Variants in ERI3 observed in about 807,000 individuals in gnomAD.
ERI3 encodes ERI1 exoribonuclease family member 3.
In ERI3, 18 loss-of-function variants were observed where a neutral mutation model predicts 44.4. The ratio of observed to expected loss-of-function variants is 0.41; its 90% confidence interval spans 0.28 to 0.60. The LOEUF is 0.60. ERI3 is among the 20% of genes least tolerant of loss of function. The pLI, the probability that ERI3 is intolerant of heterozygous loss-of-function variation, is 0.36. For synonymous variants in ERI3, 183 were observed against 164.8 expected (o/e 1.11, Z -0.84); for missense variants, 294 against 435.5 (o/e 0.68, Z 2.89).
rs1645096377 is a variant in ERI3, at chr1:44,271,996, A to G, written c.831+12839T>C. 1.3e-5 allele frequency among the ~76,000 whole-genome samples: 2 copies of G among 152,080 alleles called. 1 individual carries two copies. The highest frequency in any genetic ancestry group is 4.1e-4 in the South Asian group (2 of 4,824). ...CTCTTTTTCCTAGCTCCTGCCCACAATGTCCTGTATGTCTACCTGGATCTC... is the reference window on the plus strand; with the variant it reads ...CTCTTTTTCCTAGCTCCTGCCCACAGTGTCCTGTATGTCTACCTGGATCTC... On this transcript the variant is annotated intron_variant, in intron 7 of 8. Transcript: ENST00000372257.
chr1:44,352,218 C>T (rs1646905646), intron 2 of ERI3, among the ~76,000 whole-genome samples: 1 of 152,270 alleles, frequency 6.6e-6, no homozygotes, highest in East Asian at 1.9e-4. Flanking sequence ...TTGGAACTAA[C>T]CACCCACCAA....
chr1:44,321,119 C>T (rs1557849820), intron 3 of ERI3, among the ~76,000 whole-genome samples: 1 of 152,126 alleles, frequency 6.6e-6, no homozygotes, highest in Admixed American at 6.5e-5. Context: ...CCTTGATGTC[C>T]CAGGAAAGCC....
intron 8 of ERI3, among the ~76,000 whole-genome samples, chr1:44,222,853 T>G (rs570878490): frequency 2.0e-5 from 3 of 152,096 alleles, no homozygotes; most frequent in Admixed American, 6.5e-5. Context: ...TAATCAAGTG[T>G]GGGGGGGTAT....
chr1:44,330,550 G>T (rs1248415140), intron 3 of ERI3, among the ~76,000 whole-genome samples: 1 of 152,190 alleles, frequency 6.6e-6, no homozygotes, highest in African/African-American at 2.4e-5. Context: ...ACCTAACAGG[G>T]TTTTGTCCGT....
intron 2 of ERI3, among the ~76,000 whole-genome samples, chr1:44,349,569 C>G (rs60601316): frequency 6.6e-6 from 1 of 152,130 alleles, no homozygotes; most frequent in African/African-American, 2.4e-5. Context: ...CCACCACAAG[C>G]AGCTATCTTT....
chr1:44,245,203 C>A (rs1459699596), intron 8 of ERI3, among the ~76,000 whole-genome samples: 1 of 152,086 alleles, frequency 6.6e-6, no homozygotes, highest in Non-Finnish European at 1.5e-5. Context: ...CTCTTTGGTG[C>A]GAGGGCCATT....
At chr1:44,295,097 C>A (rs965392255) in intron 6 of ERI3, among the ~76,000 whole-genome samples, 3 of 152,102 alleles carry the variant, frequency 2.0e-5, no homozygotes, top group Non-Finnish European at 4.4e-5. Context: ...GACTTCTGGG[C>A]GGGCATTAGA....
intron 8 of ERI3, among the ~76,000 whole-genome samples, chr1:44,245,341 G>A (rs1347864559): frequency 6.6e-6 from 1 of 152,142 alleles, no homozygotes; most frequent in African/African-American, 2.4e-5. Flanking sequence ...TGGCAGGGCA[G>A]CCCTCTTCAT....
Position 44,352,860 on chromosome 1 carries a change from T to C in ERI3, c.201A>G (p.Glu67=). 1 of 1,614,064 alleles carries C rather than the reference T, an allele frequency of 6.2e-7. No homozygotes were observed. The highest frequency in any genetic ancestry group is 8.5e-7 in the Non-Finnish European group (1 of 1,179,996). The change falls in exon 2 of 9, where the codon GAA becomes GAG. Residue 67 remains glutamate (E), a synonymous_variant. Transcript: ENST00000372257. The part of the protein sequence containing the change: ...ASPAAGLGIF[E]VRRVLDASGC... ...CAACAGGATTCTCACCTCTCCTTAC[T>C]TCGAAGATGCCAAGACCGGCAGCTG... is the stretch of plus-strand genomic sequence containing the variant.
intron 6 of ERI3, among the ~76,000 whole-genome samples, chr1:44,295,696 C>A (rs1645595792): frequency 6.6e-6 from 1 of 152,226 alleles, no homozygotes; most frequent in Non-Finnish European, 1.5e-5. Flanking sequence ...GAATGGGACA[C>A]ATCTGCTACC....
At chr1:44,284,230 C>T (rs768191490) in intron 7 of ERI3, among the ~76,000 whole-genome samples, 2 of 152,108 alleles carry the variant, frequency 1.3e-5, no homozygotes, top group African/African-American at 4.8e-5. Flanking sequence ...TGGTCCTTGC[C>T]GGTCCATAGC....
rs777257581 is a variant in ERI3 at position 44,221,518 on chromosome 1, A to C, written c.*40T>G. 30 of 1,565,620 alleles carry C rather than the reference A, an allele frequency of 1.9e-5. No homozygotes were observed. Among genetic ancestry groups the C allele is most frequent in the Non-Finnish European group, 2.6e-5 (30 of 1,136,356 alleles). On this transcript the variant is annotated 3_prime_UTR_variant, in exon 9 of 9. Coordinates refer to ENST00000372257, the MANE Select transcript of ERI3 (RefSeq NM_024066.3). This position sits in a 1 kb window ranked among gnomAD's most constrained non-coding sequence, Gnocchi z 5.9. ...GGAGAGGAGGATTCTGGGCTGGGCC[A>C]AACAGCTACCCTGTCCTGCCCCATC...
At chr1:44,310,418 C>G (rs919805977) in intron 5 of ERI3, among the ~76,000 whole-genome samples, 1 of 152,208 alleles carries the variant, frequency 6.6e-6, no homozygotes, top group Non-Finnish European at 1.5e-5. Context: ...CTGTCTTACT[C>G]ACTGCCTTAA....
intron 6 of ERI3, among the ~76,000 whole-genome samples, chr1:44,291,523 C>T (rs759401041): frequency 2.0e-5 from 3 of 152,102 alleles, no homozygotes; most frequent in Non-Finnish European, 4.4e-5. Context: ...AGCATGTTAC[C>T]CTTGGTTGGC....
chr1:44,308,181 C>T (rs573969240), intron 6 of ERI3, 129 bp downstream of exon 6: 2 of 724,694 alleles, frequency 2.8e-6, no homozygotes, highest in Admixed American at 2.1e-5. Flanking sequence ...CGTCTTCTAT[C>T]CCTGATAGCC....
At chr1:44,319,784 T>C in intron 3 of ERI3, 40 bp from the exon 4 acceptor site, 1 of 1,416,948 alleles carries the variant, frequency 7.1e-7, no homozygotes. Context: ...AATAAGTTAT[T>C]GTAATCAACC....
At position 44,291,975 on chromosome 1, in the gene ERI3, G is replaced by A. The variant is rs115704638; in HGVS notation, c.759-7068C>T. On this transcript the variant is annotated intron_variant, in intron 6 of 8. Transcript: ENST00000372257. The stretch of plus-strand genomic sequence containing the variant: ...TAAGATAACTTGGTCAAATGACCAT[G>A]TGTCCTGGGGTAAGTGACTTCACCT... 4.6e-3 allele frequency among the ~76,000 whole-genome samples: 693 copies of A among 152,302 alleles called. 2 individuals carry two copies. The highest frequency in any genetic ancestry group is 0.016 in the African/African-American group (670 of 41,578).
In ERI3 at chr1:44,303,799, G is replaced by A. The variant is rs139258352; in HGVS notation, c.758+4511C>T. On this transcript the variant is annotated intron_variant, in intron 6 of 8. Coordinates refer to ENST00000372257, the MANE Select transcript of ERI3 (RefSeq NM_024066.3). ...GGCAAACCTTGAAAGGTATTAAGCC[G>A]AGGGGTGACATAATCTGCTGCAATT... is the stretch of plus-strand genomic sequence containing the variant. Among the ~76,000 whole-genome samples, 227 of 152,242 alleles carry A rather than the reference G, an allele frequency of 1.5e-3. 1 individual carries two copies. Among genetic ancestry groups the A allele is most frequent in the African/African-American group, 5.3e-3 (219 of 41,520 alleles).
At chr1:44,320,573 G>A (rs1403985850) in intron 3 of ERI3, among the ~76,000 whole-genome samples, 1 of 152,236 alleles carries the variant, frequency 6.6e-6, no homozygotes, top group African/African-American at 2.4e-5. Flanking sequence ...GGAGAGGGCA[G>A]AAGAGAGCAC....
Sources: allele counts gnomAD v4.1 joint callset (sites outside exome capture counted in the v4.1 genomes callset), GRCh38; gene constraint gnomAD v4.1.1; non-coding constraint Gnocchi (gnomAD v3.1); transcripts MANE v1.5; gene names NCBI Gene and HGNC (gene_info 2026-07-23, HGNC 2026-07-21).